The following PDGFD variants were observed in gnomAD, a reference collection of about 807,000 sequenced individuals.
The protein encoded by PDGFD is platelet derived growth factor D, also known as platelet-derived growth factor D.
PDGFD carries 30 observed loss-of-function variants against 44.7 expected under a neutral mutation model. The ratio of observed to expected loss-of-function variants is 0.67; its 90% CI spans 0.50 to 0.91. PDGFD has a LOEUF of 0.91. PDGFD is among the 40% of genes least tolerant of loss of function. The pLI is 0.00. For missense variants in PDGFD, 445 were observed against 457.8 expected (o/e 0.97, Z 0.25); for synonymous variants, 173 against 168.4 (o/e 1.03, Z -0.21).
At chr11:104,059,092 AACT>A (rs1263122580) in intron 1 of PDGFD, among the ~76,000 whole-genome samples, 2 of 152,192 alleles carry the variant, frequency 1.3e-5, no homozygotes, top group African/African-American at 4.8e-5. Context: ...TAATTGTCAA[AACT>A]CAACCTGTAC....
chr11:104,124,113 T>C (rs1013607851), intron 1 of PDGFD, among the ~76,000 whole-genome samples: 3 of 151,996 alleles, frequency 2.0e-5, no homozygotes, highest in Non-Finnish European at 2.9e-5. Flanking sequence ...ATCAATAACA[T>C]ACAGATGGTA....
At chr11:104,037,364 A>G (rs1362796851) in intron 1 of PDGFD, 7 of 1,614,024 alleles carry the variant, frequency 4.3e-6, no homozygotes, top group Admixed American at 1.7e-5. Flanking sequence ...ACCTTTTCTC[A>G]GGTGCTGATG....
intron 1 of PDGFD, among the ~76,000 whole-genome samples, chr11:104,014,163 T>C (rs1859825901): frequency 6.6e-6 from 1 of 152,166 alleles, no homozygotes; most frequent in Admixed American, 6.5e-5. Context: ...CTGAATAATA[T>C]TCTATGTCTG....
At chr11:103,935,231 G>A (rs1225397983) in intron 5 of PDGFD, among the ~76,000 whole-genome samples, 6 of 152,118 alleles carry the variant, frequency 3.9e-5, no homozygotes, top group African/African-American at 7.2e-5. Flanking sequence ...CCACAAAGAC[G>A]GACAACTGCG....
At chr11:104,017,727 G>A (rs1030319731) in intron 1 of PDGFD, among the ~76,000 whole-genome samples, 12 of 152,172 alleles carry the variant, frequency 7.9e-5, no homozygotes, top group Admixed American at 7.2e-4. Context: ...CATTGCTTAT[G>A]TCTTTATCTT....
At chr11:104,048,166 C>T (rs1234529173) in intron 1 of PDGFD, among the ~76,000 whole-genome samples, 1 of 151,942 alleles carries the variant, frequency 6.6e-6, no homozygotes, top group Non-Finnish European at 1.5e-5. Context: ...CTCTAAAAAG[C>T]ACAGGCATTC....
At chr11:103,938,000 G>A (rs928443529) in intron 5 of PDGFD, among the ~76,000 whole-genome samples, 2 of 150,812 alleles carry the variant, frequency 1.3e-5, no homozygotes, top group African/African-American at 5.0e-5. Flanking sequence ...TGTGAATAGT[G>A]CTGCTATAAA....
chr11:104,039,073 T>C (rs1213773330), intron 1 of PDGFD: 1 of 167,072 alleles, frequency 6.0e-6, no homozygotes, highest in Non-Finnish European at 1.5e-5. Flanking sequence ...TAGACTTAAT[T>C]ACAACCCATG....
intron 3 of PDGFD, among the ~76,000 whole-genome samples, chr11:103,965,258 A>G: frequency 6.6e-6 from 1 of 152,194 alleles, no homozygotes; most frequent in East Asian, 1.9e-4. Flanking sequence ...TTGAAGCTAC[A>G]GTAAACATAT....
chr11:104,030,997 G>C (rs1254162656), intron 1 of PDGFD, among the ~76,000 whole-genome samples: 1 of 152,104 alleles, frequency 6.6e-6, no homozygotes, highest in Non-Finnish European at 1.5e-5. Context: ...AACTCATGAT[G>C]GATTAAAGCC....
At chr11:103,921,001 G>A (rs553821223) in intron 6 of PDGFD, among the ~76,000 whole-genome samples, 2 of 152,248 alleles carry the variant, frequency 1.3e-5, no homozygotes, top group South Asian at 2.1e-4. Context: ...GGTTATTATG[G>A]GGATTAAGTG....
intron 3 of PDGFD, among the ~76,000 whole-genome samples, chr11:103,973,138 CTT>C (rs555810765): frequency 1.6e-4 from 22 of 134,354 alleles, no homozygotes; most frequent in Admixed American, 2.2e-4. Context: ...AAAGTGGTCA[CTT>C]TTTTTTTTTT....
In PDGFD at chr11:104,075,377, GTT is replaced by G. The variant is rs10716989; in HGVS notation, c.125-75124_125-75123del. ...GAATTTGCCATTTGAATTTCTCAGT[GTT>G]TTTTTTTTTTCTTAAATCTACACTA... On this transcript the variant is annotated intron_variant, in intron 1 of 6. Transcript: ENST00000393158. Among the ~76,000 whole-genome samples the G allele has an allele frequency of 2.4e-3, 360 of 147,586 alleles. 1 individual carries two copies. The highest frequency in any genetic ancestry group is 8.3e-3 in the African/African-American group (332 of 40,094).
intron 1 of PDGFD, among the ~76,000 whole-genome samples, chr11:104,028,316 CACTAAT>C (rs1329722532): frequency 6.6e-6 from 1 of 151,472 alleles, no homozygotes; most frequent in African/African-American, 2.4e-5. Flanking sequence ...TCTTACCTAA[CACTAAT>C]ACAGAGAAGG....
In PDGFD at chr11:104,016,360, C is replaced by T. The variant is rs141783179; in HGVS notation, c.125-16105G>A. Among the ~76,000 whole-genome samples the T allele has an allele frequency of 4.5e-3, 687 of 152,234 alleles. 5 individuals are homozygous for T. The highest frequency in any genetic ancestry group is 0.016 in the African/African-American group (647 of 41,496). On this transcript the variant is annotated intron_variant, in intron 1 of 6. Coordinates refer to ENST00000393158, the MANE Select transcript of PDGFD (RefSeq NM_025208.5). ...GTTGGATTCAAGGCCAAAGAAAAGG[C>T]CTTTCTTGACATATTTCTAAATATC...
chr11:104,019,546 G>A (rs1023726413), intron 1 of PDGFD, among the ~76,000 whole-genome samples: 9 of 152,114 alleles, frequency 5.9e-5, no homozygotes, highest in Admixed American at 1.3e-4. Context: ...TGGCAGACAC[G>A]ATACGGCCAG....
chr11:103,970,139 A>AG (rs1167403961), intron 3 of PDGFD, among the ~76,000 whole-genome samples: 2 of 152,134 alleles, frequency 1.3e-5, no homozygotes, highest in East Asian at 3.9e-4. Flanking sequence ...GGAGTATTTT[A>AG]GACATCCTTT....
chr11:103,919,444 C>T (rs1450341367), intron 6 of PDGFD, among the ~76,000 whole-genome samples: 1 of 149,128 alleles, frequency 6.7e-6, no homozygotes, highest in African/African-American at 2.5e-5. Flanking sequence ...AACACAAGTA[C>T]GTATTTCAGG....
chr11:104,116,711 T>A (rs1861644670), intron 1 of PDGFD, among the ~76,000 whole-genome samples: 1 of 151,950 alleles, frequency 6.6e-6, no homozygotes, highest in African/African-American at 2.4e-5. Context: ...CCCACCCAAA[T>A]CTCAACTTCT....
Sources: allele counts gnomAD v4.1 joint callset (sites outside exome capture counted in the v4.1 genomes callset), GRCh38; gene constraint gnomAD v4.1.1; transcripts MANE v1.5; gene names NCBI Gene and HGNC (gene_info 2026-07-23, HGNC 2026-07-21).